Variants in MARK1 observed in about 807,000 individuals in gnomAD.
MARK1 encodes the protein serine/threonine-protein kinase MARK1.
A neutral mutation model predicts 96.3 loss-of-function variants in MARK1; 40 were observed. The ratio of observed to expected loss-of-function variants is 0.42; its 90% CI spans 0.32 to 0.54. The LOEUF is 0.54. Among genes scored for constraint, MARK1 ranks in the 20% least tolerant of loss-of-function variants. The pLI, the probability that MARK1 is intolerant of heterozygous loss-of-function variation, is 0.16. For synonymous variants in MARK1, 317 were observed against 341.2 expected, an observed-to-expected ratio of 0.93 and a Z score of 0.78; for missense variants, 719 against 984.6, an observed-to-expected ratio of 0.73 and a Z score of 3.61.
At chr1:220,591,789 G>A (rs1041189128) in intron 3 of MARK1, among the ~76,000 whole-genome samples, 1 of 151,930 alleles carries the variant, frequency 6.6e-6, no homozygotes, top group African/African-American at 2.4e-5. Flanking sequence ...TTGTCATTCT[G>A]CTTTATTTAC....
chr1:220,553,321 A>G (rs762866965), intron 1 of MARK1, among the ~76,000 whole-genome samples: 1 of 152,192 alleles, frequency 6.6e-6, no homozygotes, highest in Non-Finnish European at 1.5e-5. Context: ...TTCCTTTGGT[A>G]CCACCCCAGA....
At chr1:220,575,152 A>G (rs1465725045) in intron 1 of MARK1, among the ~76,000 whole-genome samples, 1 of 152,202 alleles carries the variant, frequency 6.6e-6, no homozygotes, top group Admixed American at 6.5e-5. Flanking sequence ...TGAAGAGCTA[A>G]TGAAATCATT....
At chr1:220,556,699 GA>G (rs1662288599) in intron 1 of MARK1, among the ~76,000 whole-genome samples, 1 of 151,988 alleles carries the variant, frequency 6.6e-6, no homozygotes, top group Non-Finnish European at 1.5e-5. Flanking sequence ...GAAATGAAGA[GA>G]ATTAAGCTGA....
intron 13 of MARK1, among the ~76,000 whole-genome samples, chr1:220,644,237 TAGAA>T (rs1668450151): frequency 6.6e-6 from 1 of 151,688 alleles, no homozygotes; most frequent in African/African-American, 2.4e-5. Flanking sequence ...ACCAAGCAAA[TAGAA>T]AGCAGAAAAA....
intron 13 of MARK1, 132 bp downstream of exon 13, chr1:220,636,158 A>C: frequency 1.6e-6 from 1 of 615,126 alleles, no homozygotes; most frequent in Non-Finnish European, 2.6e-6. Flanking sequence ...GAACATGCAA[A>C]AGGGACCACA....
intron 6 of MARK1, among the ~76,000 whole-genome samples, chr1:220,607,935 G>A (rs1666185229): frequency 6.6e-6 from 1 of 152,182 alleles, no homozygotes; most frequent in Non-Finnish European, 1.5e-5. Flanking sequence ...GCCTTTTGAT[G>A]TGCTGCTGGA....
chr1:220,647,093 A>G (rs961394640), intron 13 of MARK1, among the ~76,000 whole-genome samples: 14 of 152,238 alleles, frequency 9.2e-5, no homozygotes, highest in Non-Finnish European at 1.9e-4. Flanking sequence ...ATAGCAAAAT[A>G]AACTGTCATC....
chr1:220,657,937 A>G, intron 17 of MARK1, 103 bp downstream of exon 17: 1 of 768,690 alleles, frequency 1.3e-6, no homozygotes, highest in Non-Finnish European at 1.9e-6. Flanking sequence ...TCTAATAACT[A>G]GATAGCATGC....
chr1:220,602,208 C>T (rs1665791735), intron 5 of MARK1, among the ~76,000 whole-genome samples: 1 of 152,266 alleles, frequency 6.6e-6, no homozygotes, highest in Non-Finnish European at 1.5e-5. Context: ...TGAAAATTTT[C>T]AGTGATTAGA....
At chr1:220,534,816 G>A (rs1660571412) in intron 1 of MARK1, among the ~76,000 whole-genome samples, 1 of 152,046 alleles carries the variant, frequency 6.6e-6, no homozygotes, top group Non-Finnish European at 1.5e-5. Flanking sequence ...TTAGCACAAT[G>A]CTCTTAAGGT....
At chr1:220,588,897 G>T (rs1382197540) in intron 3 of MARK1, among the ~76,000 whole-genome samples, 1 of 152,116 alleles carries the variant, frequency 6.6e-6, no homozygotes, top group Non-Finnish European at 1.5e-5. Context: ...TATAAAGATT[G>T]CAGTGAAGAC....
intron 4 of MARK1, among the ~76,000 whole-genome samples, chr1:220,599,549 G>A (rs1346453414): frequency 2.6e-5 from 4 of 151,988 alleles, no homozygotes; most frequent in Non-Finnish European, 4.4e-5. Flanking sequence ...ATTTGAAAAA[G>A]TAATGACCTT....
At chr1:220,545,968 G>T (rs1478239712) in intron 1 of MARK1, among the ~76,000 whole-genome samples, 1 of 152,024 alleles carries the variant, frequency 6.6e-6, no homozygotes, top group Non-Finnish European at 1.5e-5. Context: ...AAGTCAGTTT[G>T]GTGAGATATC....
intron 13 of MARK1, among the ~76,000 whole-genome samples, chr1:220,636,405 G>T (rs1315985614): frequency 6.6e-6 from 1 of 151,976 alleles, no homozygotes; most frequent in African/African-American, 2.4e-5. Flanking sequence ...ACTTAAAACA[G>T]CAAACTAGAA....
intron 6 of MARK1, 78 bp downstream of exon 6, chr1:220,604,215 C>G (rs1665928896): frequency 1.3e-6 from 1 of 769,824 alleles, no homozygotes. Context: ...AACTGGACTT[C>G]ACAGCACATG....
chr1:220,660,610 A>G (rs2103076768), intron 17 of MARK1, among the ~76,000 whole-genome samples: 1 of 152,306 alleles, frequency 6.6e-6, no homozygotes, highest in East Asian at 1.9e-4. Flanking sequence ...TATTTGGATA[A>G]TTGTTCAAGA....
chr1:220,565,158 A>G (rs1662959770), intron 1 of MARK1, among the ~76,000 whole-genome samples: 2 of 152,222 alleles, frequency 1.3e-5, no homozygotes, highest in Non-Finnish European at 2.9e-5. Context: ...AAAAATGAGC[A>G]GAGCTTTAGG....
intron 1 of MARK1, among the ~76,000 whole-genome samples, chr1:220,529,983 A>G (rs1660201207): frequency 6.6e-6 from 1 of 152,126 alleles, no homozygotes; most frequent in Non-Finnish European, 1.5e-5. Context: ...CACTGACTTC[A>G]TGGGGTTGGT....
intron 11 of MARK1, among the ~76,000 whole-genome samples, chr1:220,633,898 T>A (rs184578026): frequency 2.0e-5 from 3 of 152,242 alleles, no homozygotes; most frequent in East Asian, 1.9e-4. Context: ...GATATAAAGA[T>A]CTGAATTGGA....
Sources: gnomAD v4.1 joint callset for allele counts (sites outside exome capture counted in the v4.1 genomes callset) on GRCh38, gnomAD v4.1.1 for gene constraint, MANE v1.5 for transcripts, NCBI Gene and HGNC (gene_info 2026-07-23, HGNC 2026-07-21) for gene names.